Variants in DCLK1 observed in about 807,000 individuals in gnomAD.
The protein encoded by DCLK1 is doublecortin like kinase 1.
DCLK1 carries 16 observed loss-of-function variants against 86.2 expected under a neutral mutation model. The observed-to-expected ratio is 0.19, with a 90% CI of 0.13 to 0.28. The LOEUF (loss-of-function observed/expected upper bound fraction) is 0.28, where lower values mean the gene tolerates loss of function less well. Ranked by LOEUF, DCLK1 falls within the 10% of genes least tolerant of loss-of-function variation. The probability of loss-of-function intolerance (pLI) is 1.00; values close to 1 mark genes in which losing one functional copy is unlikely to be tolerated. For missense variants in DCLK1, 590 were observed against 940.2 expected, an observed-to-expected ratio of 0.63 and a Z score of 4.87; for synonymous variants, 369 against 370.5, an observed-to-expected ratio of 1.00 and a Z score of 0.05.
At chr13:36,087,522 T>C (rs1884653011) in intron 3 of DCLK1, among the ~76,000 whole-genome samples, 1 of 152,156 alleles carries the variant, frequency 6.6e-6, no homozygotes, top group Non-Finnish European at 1.5e-5. Context: ...GAGTCAAGCA[T>C]TGTGGAGCAC....
At chr13:35,852,026 T>A (rs1361773080) in intron 6 of DCLK1, among the ~76,000 whole-genome samples, 1 of 150,606 alleles carries the variant, frequency 6.6e-6, no homozygotes, top group Non-Finnish European at 1.5e-5. Context: ...TGTGTGTGTG[T>A]TGGGGTGGGG....
chr13:36,109,478 G>A (rs1038651037), intron 3 of DCLK1, among the ~76,000 whole-genome samples: 6 of 152,148 alleles, frequency 3.9e-5, no homozygotes, highest in African/African-American at 1.4e-4. Flanking sequence ...TGTTTTTAAC[G>A]AGTTCTGTGC....
intron 4 of DCLK1, among the ~76,000 whole-genome samples, chr13:35,929,932 A>C (rs1262081512): frequency 6.7e-6 from 1 of 150,100 alleles, no homozygotes; most frequent in African/African-American, 2.5e-5. Context: ...AGAAAAACTT[A>C]GCTTCAGGTA....
chr13:35,964,623 T>G (rs1156360671), intron 3 of DCLK1, among the ~76,000 whole-genome samples: 1 of 152,208 alleles, frequency 6.6e-6, no homozygotes, highest in African/African-American at 2.4e-5. Context: ...TTATTTTGCT[T>G]GCATCCAAGT....
At position 35,774,607 on chromosome 13, in the gene DCLK1, T is replaced by C. The variant is rs372395267; in HGVS notation, c.2151A>G (p.Glu717=). The part of the protein sequence containing the change: ...SRYKAQPAPP[E]LNSESEDYSP... ...AGTAGTCTTCCGATTCCGAGTTGAG[T>C]TCGGGAGGAGCTGGCTGCGCCTTGT... Residue 717 remains glutamate, a synonymous_variant, in exon 17 of 17, where the codon GAA becomes GAG. Transcript: ENST00000360631. 700 of 1,594,994 alleles carry C rather than the reference T, an allele frequency of 4.4e-4. 1 individual carries two copies. Among genetic ancestry groups the C allele is most frequent in the Non-Finnish European group, 5.2e-4 (605 of 1,169,644 alleles).
intron 8 of DCLK1, among the ~76,000 whole-genome samples, chr13:35,833,467 A>G (rs1869121112): frequency 6.6e-6 from 1 of 152,154 alleles, no homozygotes; most frequent in African/African-American, 2.4e-5. Flanking sequence ...CTGGAGTCAC[A>G]GTCCACTAAC....
chr13:36,085,579 T>C (rs1884562915), intron 3 of DCLK1, among the ~76,000 whole-genome samples: 1 of 152,190 alleles, frequency 6.6e-6, no homozygotes, highest in South Asian at 2.1e-4. Context: ...TGCTCATGTT[T>C]GCAGTAATTT....
At chr13:35,865,974 GATTA>G (rs760941789) in intron 5 of DCLK1, among the ~76,000 whole-genome samples, 8 of 152,164 alleles carry the variant, frequency 5.3e-5, no homozygotes, top group Admixed American at 1.3e-4. Flanking sequence ...TTAGGCACTA[GATTA>G]ATTGTTTCCT....
chr13:35,821,998 TAG>T (rs776675916), intron 11 of DCLK1, among the ~76,000 whole-genome samples: 2 of 152,116 alleles, frequency 1.3e-5, no homozygotes, highest in Non-Finnish European at 2.9e-5. Context: ...GCTAAGGGGC[TAG>T]AGTCTTAAAA....
chr13:36,057,019 A>G (rs750500789), intron 3 of DCLK1, among the ~76,000 whole-genome samples: 3 of 151,764 alleles, frequency 2.0e-5, no homozygotes, highest in Non-Finnish European at 4.4e-5. Context: ...TAAAACTACC[A>G]CCAAGGACTC....
chr13:36,074,421 C>T (rs950412179), intron 3 of DCLK1, among the ~76,000 whole-genome samples: 5 of 109,330 alleles, frequency 4.6e-5, no homozygotes, highest in African/African-American at 7.4e-5. Context: ...CCCTGGGGGG[C>T]GGAGCCTGCA....
intron 14 of DCLK1, among the ~76,000 whole-genome samples, chr13:35,806,787 G>T (rs2087035903): frequency 6.6e-6 from 1 of 152,218 alleles, no homozygotes; most frequent in Admixed American, 6.5e-5. Context: ...ATGGCATGGG[G>T]AGCTGGACAG....
intron 16 of DCLK1, among the ~76,000 whole-genome samples, chr13:35,792,152 G>T (rs751575109): frequency 6.6e-5 from 10 of 152,228 alleles, no homozygotes; most frequent in Non-Finnish European, 1.3e-4. Flanking sequence ...ATCTGGAAGA[G>T]TAGGCATTCC....
At chr13:35,776,790 C>T (rs1259417910) in intron 16 of DCLK1, among the ~76,000 whole-genome samples, 1 of 152,210 alleles carries the variant, frequency 6.6e-6, no homozygotes, top group Non-Finnish European at 1.5e-5. Context: ...TCCCTCTTTC[C>T]TTCAGTTTCA....
intron 3 of DCLK1, among the ~76,000 whole-genome samples, chr13:36,000,502 G>T (rs1263931028): frequency 2.6e-5 from 4 of 151,912 alleles, no homozygotes; most frequent in African/African-American, 9.7e-5. Context: ...TTAAGAGCGG[G>T]ATACCATATT....
intron 3 of DCLK1, among the ~76,000 whole-genome samples, chr13:36,101,990 G>A (rs1454102129): frequency 6.6e-6 from 1 of 152,088 alleles, no homozygotes; most frequent in East Asian, 1.9e-4. Context: ...TGATCTGCCT[G>A]CCTCAGCCTC....
intron 4 of DCLK1, among the ~76,000 whole-genome samples, chr13:35,946,786 T>C (rs1466693630): frequency 6.6e-6 from 1 of 152,238 alleles, no homozygotes; most frequent in Non-Finnish European, 1.5e-5. Context: ...ATTCATTTCC[T>C]AAGACATGTA....
At chr13:35,968,088 A>G (rs1164836770) in intron 3 of DCLK1, among the ~76,000 whole-genome samples, 1 of 152,154 alleles carries the variant, frequency 6.6e-6, no homozygotes, top group African/African-American at 2.4e-5. Flanking sequence ...ATGCTACAAG[A>G]TGGATGAATC....
chr13:36,079,501 G>A (rs1025905549), intron 3 of DCLK1, among the ~76,000 whole-genome samples: 5 of 151,808 alleles, frequency 3.3e-5, no homozygotes, highest in East Asian at 1.9e-4. Flanking sequence ...GCATGGTGGC[G>A]GGCACATGTA....
Sources: gnomAD v4.1 joint callset for allele counts (sites outside exome capture counted in the v4.1 genomes callset) on GRCh38, gnomAD v4.1.1 for gene constraint, MANE v1.5 for transcripts, NCBI Gene and HGNC (gene_info 2026-07-23, HGNC 2026-07-21) for gene names.